ARID2: variants seen among roughly 807,000 people sequenced by gnomAD.
The protein encoded by ARID2 is AT-rich interaction domain 2.
In ARID2, 32 loss-of-function variants were observed where a neutral mutation model predicts 184.6. That is an observed-to-expected ratio of 0.17 (90% CI 0.13 to 0.23). The LOEUF is 0.23. Among genes scored for constraint, ARID2 ranks in the 10% least tolerant of loss-of-function variants. The pLI is 1.00. For synonymous variants in ARID2, 836 were observed against 772.6 expected (o/e 1.08, Z -1.36); for missense variants, 1,696 against 2,197.6 (o/e 0.77, Z 4.56).
At chr12:45,839,185 A>G (rs1943284542) in intron 10 of ARID2, 144 bp from the exon 11 acceptor site, 1 of 838,754 alleles carries the variant, frequency 1.2e-6, no homozygotes, top group Non-Finnish European at 1.7e-6. Context: ...TTTTTTAAAG[A>G]TGCACAGGTA....
chr12:45,799,043 A>G (rs1942445117), intron 3 of ARID2, among the ~76,000 whole-genome samples: 1 of 152,044 alleles, frequency 6.6e-6, no homozygotes, highest in Non-Finnish European at 1.5e-5. Context: ...ATAAAGTGAA[A>G]TAAATTCTAT....
chr12:45,805,716 G>T (rs190544235), intron 3 of ARID2, among the ~76,000 whole-genome samples: 1 of 152,040 alleles, frequency 6.6e-6, no homozygotes, highest in South Asian at 2.1e-4. Context: ...GATTACCACA[G>T]TTAAGTTAGT....
chr12:45,887,793 A>G (rs1349031623), intron 16 of ARID2, among the ~76,000 whole-genome samples: 1 of 152,206 alleles, frequency 6.6e-6, no homozygotes, highest in Non-Finnish European at 1.5e-5. Flanking sequence ...CTTCCAGTGC[A>G]GAGGCTGGTC....
At chr12:45,829,634 TTATTG>T (rs1030604131) in intron 6 of ARID2, among the ~76,000 whole-genome samples, 1 of 151,844 alleles carries the variant, frequency 6.6e-6, no homozygotes, top group Non-Finnish European at 1.5e-5. Context: ...AGTTATATTT[TTATTG>T]TATTATTGTC....
At chr12:45,849,518 CAT>C in intron 13 of ARID2, 60 bp from the exon 14 acceptor site, 2 of 1,350,304 alleles carry the variant, frequency 1.5e-6, no homozygotes, top group Non-Finnish European at 2.1e-6. Context: ...TTCATGTAAA[CAT>C]AATGTTAGAA....
intron 3 of ARID2, among the ~76,000 whole-genome samples, chr12:45,796,971 C>G (rs183023587): frequency 4.6e-5 from 7 of 152,272 alleles, no homozygotes; most frequent in Admixed American, 4.6e-4. Context: ...TTTACCTAAA[C>G]CTTTGCCAAA....
chr12:45,848,485 G>T (rs1943482681), intron 12 of ARID2, among the ~76,000 whole-genome samples: 1 of 152,020 alleles, frequency 6.6e-6, no homozygotes, highest in African/African-American at 2.4e-5. Flanking sequence ...TTGGGAACTT[G>T]TTTTATGTTA....
chr12:45,837,304 GTTGT>G lies in ARID2; in HGVS notation c.1024-14_1024-11del. ...GGAAGAAGCATAGCTCAATAATAGT[GTTGT>G]TTCTTTTTCCAGCTTTTACTGGACC... On this transcript the variant is annotated splice_polypyrimidine_tract_variant and intron_variant, in intron 8 of 20. Coordinates refer to ENST00000334344, the MANE Select transcript of ARID2 (RefSeq NM_152641.4). The G allele has an allele frequency of 1.3e-6, 2 of 1,573,168 alleles. No individual in the cohort carries two copies. Among genetic ancestry groups the G allele is most frequent in the Non-Finnish European group, 1.7e-6 (2 of 1,156,110 alleles).
At chr12:45,820,227 ATT>A (rs1942875576) in intron 5 of ARID2, among the ~76,000 whole-genome samples, 1 of 152,168 alleles carries the variant, frequency 6.6e-6, no homozygotes, top group Non-Finnish European at 1.5e-5. Context: ...TGTTCTTTAT[ATT>A]ATTTCCTCAC....
chr12:45,870,942 G>T (rs897799701), intron 16 of ARID2, among the ~76,000 whole-genome samples: 1 of 152,186 alleles, frequency 6.6e-6, no homozygotes, highest in Non-Finnish European at 1.5e-5. Flanking sequence ...TTGTGTGGAT[G>T]TAGTTTTTCA....
At chr12:45,876,650 A>G (rs547073028) in intron 16 of ARID2, among the ~76,000 whole-genome samples, 2 of 152,236 alleles carry the variant, frequency 1.3e-5, no homozygotes, top group East Asian at 3.9e-4. Flanking sequence ...ACAGATCACT[A>G]TAACAGATAT....
At chr12:45,818,320 C>T (rs1331837400) in intron 5 of ARID2, among the ~76,000 whole-genome samples, 2 of 152,142 alleles carry the variant, frequency 1.3e-5, no homozygotes, top group Non-Finnish European at 2.9e-5. Context: ...GGCTTCATAT[C>T]ATTTTTACTT....
Position 45,839,516 on chromosome 12 carries a change from C to A in ARID2, c.1498+20C>A, listed in dbSNP as rs1426411630. Reference sequence around the variant, plus strand: ...CCCCAGGTTAGTGTTTTCACATATTCTTTTTCAGTGTGGTTACGAGTGTAT... The same window carrying A: ...CCCCAGGTTAGTGTTTTCACATATTATTTTTCAGTGTGGTTACGAGTGTAT... On this transcript the variant is annotated intron_variant, in intron 11 of 20. Transcript: ENST00000334344. 1 of 1,601,824 alleles carries A rather than the reference C, an allele frequency of 6.2e-7. No individual in the cohort carries two copies. Among genetic ancestry groups the A allele is most frequent in the South Asian group, 1.1e-5 (1 of 88,764 alleles).
At chr12:45,824,454 A>C (rs757575829) in intron 6 of ARID2, among the ~76,000 whole-genome samples, 2 of 152,020 alleles carry the variant, frequency 1.3e-5, no homozygotes, top group Non-Finnish European at 2.9e-5. Context: ...AAGGAATAAA[A>C]CTTCAGTAAA....
chr12:45,888,555 A>G (rs960992049), intron 16 of ARID2, among the ~76,000 whole-genome samples: 4 of 152,170 alleles, frequency 2.6e-5, no homozygotes, highest in African/African-American at 9.7e-5. Flanking sequence ...TGGGCAGGTG[A>G]AGAGACAAGA....
At chr12:45,893,052 T>A (rs1944322328) in intron 18 of ARID2, among the ~76,000 whole-genome samples, 1 of 152,208 alleles carries the variant, frequency 6.6e-6, no homozygotes, top group African/African-American at 2.4e-5. Context: ...AATTGTAGAC[T>A]TTTCTTCTTT....
intron 3 of ARID2, among the ~76,000 whole-genome samples, chr12:45,758,445 A>T (rs1349300342): frequency 6.6e-6 from 1 of 151,496 alleles, no homozygotes; most frequent in Non-Finnish European, 1.5e-5. Context: ...TGTGTCGCCT[A>T]AGGCAATTCT....
At position 45,861,580 on chromosome 12, in the gene ARID2, CTTT is replaced by C. The variant is rs11303020; in HGVS notation, c.4922+650_4922+652del. Among the ~76,000 whole-genome samples, 35 of 96,972 alleles carry C rather than the reference CTTT, an allele frequency of 3.6e-4. No individual in the cohort carries two copies. The East Asian group carries it at 8.6e-3, about 24-fold the overall frequency. The allele number at this position is 96,972 out of a possible 152,430, so 63.6% of individuals were successfully genotyped here. ...AGAGGTCTAGGACTAAGGCATTTGT[CTTT>C]TTTTTTTTTTTTTTTTTTGGAAACA... is the stretch of plus-strand genomic sequence containing the variant. On this transcript the variant is annotated intron_variant, in intron 16 of 20. Transcript: ENST00000334344.
chr12:45,778,608 A>G (rs1232010563), intron 3 of ARID2, among the ~76,000 whole-genome samples: 1 of 152,158 alleles, frequency 6.6e-6, no homozygotes, highest in African/African-American at 2.4e-5. Context: ...AGTTTACTAC[A>G]CAGTGTATTT....
Sources: gnomAD v4.1 joint callset for allele counts (sites outside exome capture counted in the v4.1 genomes callset) on GRCh38, gnomAD v4.1.1 for gene constraint, MANE v1.5 for transcripts, NCBI Gene and HGNC (gene_info 2026-07-23, HGNC 2026-07-21) for gene names.